Variants in RABGAP1L observed in about 807,000 individuals in gnomAD.
The protein encoded by RABGAP1L is RAB GTPase activating protein 1 like.
In RABGAP1L, 63 loss-of-function variants were observed where a neutral mutation model predicts 137.7. That is an observed-to-expected ratio of 0.46 (90% confidence interval 0.37 to 0.56). The LOEUF is 0.56. Among genes scored for constraint, RABGAP1L ranks in the 20% least tolerant of loss-of-function variants. The pLI is 0.00. For missense variants in RABGAP1L, 1,095 were observed against 1,244.0 expected, an observed-to-expected ratio of 0.88 and a Z score of 1.80; for synonymous variants, 431 against 433.7, an observed-to-expected ratio of 0.99 and a Z score of 0.08.
chr1:174,435,459 T>C (rs985466112), intron 13 of RABGAP1L, among the ~76,000 whole-genome samples: 11 of 152,140 alleles, frequency 7.2e-5, no homozygotes, highest in African/African-American at 2.7e-4. Context: ...TGTGAGGACA[T>C]GGTCTAAGTT....
chr1:174,657,705 T>C lies in RABGAP1L; in HGVS notation c.1824+20217T>C, dbSNP rs567493364. On this transcript the variant is annotated intron_variant, in intron 14 of 25. Coordinates refer to ENST00000681986, the MANE Select transcript of RABGAP1L (RefSeq NM_001366446.1). The stretch of plus-strand genomic sequence containing the variant: ...GTAAATGCTGCAGTGAATAAAGGAG[T>C]GCAGATATCCCTTCAACATCTTGAT... 2.0e-5 allele frequency among the ~76,000 whole-genome samples: 3 copies of C among 152,292 alleles called. No individual in the cohort carries two copies. The East Asian group carries it at 5.8e-4, about 29-fold the overall frequency.
At chr1:174,167,194 GTTTCTGTT>G (rs1664982984) in intron 1 of RABGAP1L, among the ~76,000 whole-genome samples, 3 of 151,712 alleles carry the variant, frequency 2.0e-5, no homozygotes, top group African/African-American at 7.2e-5. Flanking sequence ...TCAGCACAGT[GTTTCTGTT>G]AAAGTTTTTT....
chr1:174,749,313 T>C (rs1455737263), intron 17 of RABGAP1L, among the ~76,000 whole-genome samples: 1 of 151,936 alleles, frequency 6.6e-6, no homozygotes, highest in Non-Finnish European at 1.5e-5. Context: ...TTTTTTTTTT[T>C]CTGTTCTTTT....
Position 174,448,577 on chromosome 1 carries a change from T to C in RABGAP1L, c.1710+54432T>C. 6.2e-7 allele frequency: 1 copy of C among 1,614,010 alleles called. No individual in the cohort carries two copies. The highest frequency in any genetic ancestry group is 8.5e-7 in the Non-Finnish European group (1 of 1,179,868). On this transcript the variant is annotated intron_variant, in intron 13 of 25. Transcript: ENST00000681986. This position sits in a 1 kb window ranked among gnomAD's most constrained non-coding sequence, Gnocchi z 4.2. ...TTCCTACAATCAACTGGTCACCCCT[T>C]GTCGCTTGAGAATTTGCATTATTTT...
chr1:174,240,926 GTA>G (rs1671758196), intron 4 of RABGAP1L, among the ~76,000 whole-genome samples: 1 of 117,346 alleles, frequency 8.5e-6, no homozygotes, highest in African/African-American at 4.5e-5. Context: ...GAATTTATGT[GTA>G]TGTGTGTGTT....
chr1:174,964,887 A>C (rs1669478076), intron 20 of RABGAP1L: 1 of 1,462,134 alleles, frequency 6.8e-7, no homozygotes. Context: ...CATTTCATAA[A>C]TATTTTAGTA....
chr1:174,299,886 A>G (rs1677499240), intron 10 of RABGAP1L, among the ~76,000 whole-genome samples: 1 of 152,212 alleles, frequency 6.6e-6, no homozygotes, highest in Admixed American at 6.5e-5. Context: ...AAAGTTCTAT[A>G]GCTTATTATA....
chr1:174,331,608 C>G (rs1571256453), intron 11 of RABGAP1L, among the ~76,000 whole-genome samples: 1 of 152,072 alleles, frequency 6.6e-6, no homozygotes, highest in Admixed American at 6.6e-5. Context: ...GTTAAAATGT[C>G]TATTATCAAA....
intron 13 of RABGAP1L, among the ~76,000 whole-genome samples, chr1:174,636,964 C>G (rs936692806): frequency 1.3e-5 from 2 of 152,238 alleles, no homozygotes; most frequent in African/African-American, 2.4e-5. Flanking sequence ...TATGATATAT[C>G]TATATCCAGA....
At chr1:174,344,871 A>G (rs896744040) in intron 11 of RABGAP1L, among the ~76,000 whole-genome samples, 1 of 152,142 alleles carries the variant, frequency 6.6e-6, no homozygotes, top group Non-Finnish European at 1.5e-5. Context: ...GCCCAGACCA[A>G]TGTCCTCGAG....
At chr1:174,170,649 T>C (rs1665286737) in intron 1 of RABGAP1L, among the ~76,000 whole-genome samples, 1 of 131,146 alleles carries the variant, frequency 7.6e-6, no homozygotes, top group South Asian at 2.3e-4. Context: ...CACTCCAGCC[T>C]GGACAGAGTG....
intron 12 of RABGAP1L, among the ~76,000 whole-genome samples, chr1:174,388,869 C>G (rs1687006956): frequency 6.6e-6 from 1 of 152,004 alleles, no homozygotes; most frequent in South Asian, 2.1e-4. Flanking sequence ...ATCGGTCATT[C>G]TTTTTTATTG....
intron 11 of RABGAP1L, among the ~76,000 whole-genome samples, chr1:174,309,977 G>A (rs540168336): frequency 6.6e-6 from 1 of 152,080 alleles, no homozygotes; most frequent in South Asian, 2.1e-4. Context: ...CAGCGATGGA[G>A]CCATCAGGTC....
chr1:174,231,254 T>G lies in RABGAP1L; in HGVS notation c.441T>G (p.Asn147Lys), dbSNP rs757931524. 6.2e-7 allele frequency: 1 copy of G among 1,614,062 alleles called. No individual in the cohort carries two copies. The part of the protein sequence containing the change: ...LGCMKVSSPR[N>K]EVEALRAMAT... ...GTATGAAGGTTTCTTCCCCACGTAA[T>G]GAAGTAGAGGCTTTACGGGCAATGG... The change falls in exon 4 of 26, where the codon AAT becomes AAG. Residue 147 changes from asparagine to lysine, a missense_variant. Physicochemically the swap from Asn to Lys is moderately conservative, Grantham distance 94. Transcript: ENST00000681986.
chr1:174,699,684 G>T, intron 16 of RABGAP1L, 34 bp downstream of exon 16: 2 of 1,552,116 alleles, frequency 1.3e-6, no homozygotes, highest in South Asian at 1.2e-5. Flanking sequence ...ATCACTCAGG[G>T]ATTTGTTGAG....
chr1:174,795,007 G>A (rs1341493247), intron 18 of RABGAP1L, among the ~76,000 whole-genome samples: 1 of 152,108 alleles, frequency 6.6e-6, no homozygotes, highest in African/African-American at 2.4e-5. Context: ...TGACACAGTG[G>A]AGTGGTTCAG....
intron 1 of RABGAP1L, among the ~76,000 whole-genome samples, chr1:174,193,359 C>G (rs554413167): frequency 6.6e-6 from 1 of 152,282 alleles, no homozygotes; most frequent in African/African-American, 2.4e-5. Context: ...TGACAAAACC[C>G]TGTCTCTACT....
intron 13 of RABGAP1L, among the ~76,000 whole-genome samples, chr1:174,553,130 G>T (rs757376461): frequency 6.6e-6 from 1 of 151,938 alleles, no homozygotes; most frequent in Non-Finnish European, 1.5e-5. Context: ...GATATTAGAC[G>T]TTTGTCAGAT....
At chr1:174,829,763 A>G (rs1691911809) in intron 19 of RABGAP1L, among the ~76,000 whole-genome samples, 1 of 148,528 alleles carries the variant, frequency 6.7e-6, no homozygotes, top group Admixed American at 6.7e-5. Flanking sequence ...ATGATAGACT[A>G]GTTATTTCCA....
Sources: allele counts gnomAD v4.1 joint callset (sites outside exome capture counted in the v4.1 genomes callset), GRCh38; gene constraint gnomAD v4.1.1; non-coding constraint Gnocchi (gnomAD v3.1); transcripts MANE v1.5; gene names NCBI Gene and HGNC (gene_info 2026-07-23, HGNC 2026-07-21).